FAM149A: variants seen among roughly 807,000 people sequenced by gnomAD.
FAM149A encodes protein FAM149A.
In FAM149A, 71 loss-of-function variants were observed where a neutral mutation model predicts 78.2. The ratio of observed to expected loss-of-function variants is 0.91; its 90% confidence interval spans 0.75 to 1.11. The LOEUF (loss-of-function observed/expected upper bound fraction) is 1.11. Ranked by LOEUF, FAM149A falls within the 50% of genes least tolerant of loss-of-function variation. FAM149A has a pLI of 0.00. For missense variants in FAM149A, 1,036 were observed against 971.0 expected (o/e 1.07, Z -0.89); for synonymous variants, 446 against 410.5 (o/e 1.09, Z -1.04).
intron 8 of FAM149A, among the ~76,000 whole-genome samples, chr4:186,159,691 C>T (rs56126431): frequency 0.013 from 1,958 of 152,050 alleles, 39 homozygotes; most frequent in African/African-American, 0.044. Context: ...ACATACTGAG[C>T]GCGTAATAAA....
chr4:186,165,473 G>C lies in FAM149A; in HGVS notation c.2010+9G>C. 1 of 1,613,884 alleles carries C rather than the reference G, an allele frequency of 6.2e-7. No individual in the cohort carries two copies. Among genetic ancestry groups the C allele is most frequent in the Non-Finnish European group, 8.5e-7 (1 of 1,179,866 alleles). The stretch of plus-strand genomic sequence containing the variant: ...GATGCCGCCTTGTTTCTGTAAGACA[G>C]ATTTCATTCTATTTCAGTGGACCAT... On this transcript the variant is annotated intron_variant, in intron 11 of 13. Coordinates refer to ENST00000389354, the MANE Select transcript of FAM149A (RefSeq NM_001367768.3).
In FAM149A at chr4:186,165,380, T is replaced by G. The variant is rs1261071479; in HGVS notation, c.1926T>G (p.Val642=). Reference sequence around the variant, plus strand: ...TGGACCACATGGCTTCCCCACTGGTTCAAACGTCACGGAGCAGGTTCCCCC... The same window carrying G: ...TGGACCACATGGCTTCCCCACTGGTGCAAACGTCACGGAGCAGGTTCCCCC... Residue 642 remains valine (V), a synonymous_variant, in exon 11 of 14, where the codon GTT becomes GTG. Transcript: ENST00000389354. 6.2e-7 allele frequency: 1 copy of G among 1,614,204 alleles called. No individual in the cohort carries two copies.
chr4:186,124,287 A>G (rs1295442487), intron 1 of FAM149A: 1 of 922,908 alleles, frequency 1.1e-6, no homozygotes, highest in Non-Finnish European at 1.3e-6. Flanking sequence ...TTATACTTTA[A>G]GTTTTAGGGT....
At chr4:186,147,257 C>A (rs7668029) in intron 1 of FAM149A, among the ~76,000 whole-genome samples, 118,022 of 152,044 alleles carry the variant, frequency 0.78, 46,390 homozygotes, top group Middle Eastern at 0.87. Context: ...GTGGTAGACA[C>A]CTGTAGTCCC....
intron 1 of FAM149A, among the ~76,000 whole-genome samples, chr4:186,128,994 C>T (rs1021367296): frequency 3.3e-5 from 5 of 149,942 alleles, no homozygotes; most frequent in South Asian, 2.2e-4. Flanking sequence ...TGTGTGTCCA[C>T]GTATGAGCCT....
At chr4:186,157,492 CAA>C in intron 7 of FAM149A, 71 bp from the exon 8 acceptor site, 1 of 1,477,108 alleles carries the variant, frequency 6.8e-7, no homozygotes, top group Non-Finnish European at 9.4e-7. Flanking sequence ...TATTCTCTTT[CAA>C]GAGTGAATTT....
chr4:186,143,330 C>T (rs1214352503), intron 1 of FAM149A, among the ~76,000 whole-genome samples: 1 of 151,316 alleles, frequency 6.6e-6, no homozygotes. Flanking sequence ...TCCTCCCACC[C>T]CTGGCAATAT....
In FAM149A at chr4:186,164,107, G is replaced by A. The variant is rs916531380; in HGVS notation, c.1889+474G>A. On this transcript the variant is annotated intron_variant, in intron 10 of 13. Coordinates refer to ENST00000389354, the MANE Select transcript of FAM149A (RefSeq NM_001367768.3). This position sits in a 1 kb window ranked among gnomAD's most constrained non-coding sequence, Gnocchi z 4.0. The stretch of plus-strand genomic sequence containing the variant: ...AGGATTCACATCCCGTCATGGCCTC[G>A]TTAGAAAGGTGCCTGTCTCTTGCCC... 3.9e-5 allele frequency among the ~76,000 whole-genome samples: 6 copies of A among 152,172 alleles called. No homozygotes were observed. Among genetic ancestry groups the A allele is most frequent in the Non-Finnish European group, 8.8e-5 (6 of 68,032 alleles).
At chr4:186,136,994 C>CTT (rs1561396514) in intron 1 of FAM149A, among the ~76,000 whole-genome samples, 5 of 136,452 alleles carry the variant, frequency 3.7e-5, no homozygotes, top group Admixed American at 7.5e-5. Context: ...CTCTCTCTCT[C>CTT]TCTCTCTCTC....
In FAM149A at chr4:186,167,057, G is replaced by T. The variant is rs776255943; in HGVS notation, c.2100G>T (p.Leu700=). ...GTCTTCGAGAAAGAACAGCCACCCT[G>T]GAACGGTTGTCAAGGCCCAGCACAA... The change falls in exon 12 of 14, where the codon CTG becomes CTT. Residue 700 remains leucine, a synonymous_variant. Coordinates refer to ENST00000389354, the MANE Select transcript of FAM149A (RefSeq NM_001367768.3). The T allele has an allele frequency of 1.2e-6, 2 of 1,614,162 alleles. No individual in the cohort carries two copies. Among genetic ancestry groups the T allele is most frequent in the Non-Finnish European group, 1.7e-6 (2 of 1,180,026 alleles).
At chr4:186,143,494 A>G (rs1233065310) in intron 1 of FAM149A, among the ~76,000 whole-genome samples, 1 of 152,132 alleles carries the variant, frequency 6.6e-6, no homozygotes, top group African/African-American at 2.4e-5. Context: ...TACCACTTTT[A>G]TAAAAGTGGG....
intron 1 of FAM149A, among the ~76,000 whole-genome samples, chr4:186,128,808 T>TATGG (rs1037410822): frequency 6.6e-6 from 1 of 152,130 alleles, no homozygotes; most frequent in East Asian, 1.9e-4. Context: ...TGTATGTGTG[T>TATGG]ATGGATGGAT....
intron 1 of FAM149A, chr4:186,123,847 T>G (rs1040246613): frequency 7.8e-5 from 77 of 983,668 alleles, no homozygotes; most frequent in Non-Finnish European, 8.9e-5. Flanking sequence ...ATAGAATAGT[T>G]AAGCAGCAAA....
chr4:186,116,470 A>T (rs1296403927), intron 1 of FAM149A: 2 of 984,222 alleles, frequency 2.0e-6, no homozygotes, highest in East Asian at 1.1e-4. Context: ...GTCATTAAAG[A>T]TAATAATGAA....
chr4:186,109,465 G>A (rs2099310317), intron 1 of FAM149A: 1 of 984,920 alleles, frequency 1.0e-6, no homozygotes, highest in Non-Finnish European at 1.2e-6. Context: ...CCTCCAGTGT[G>A]ATGAAGCCTG....
chr4:186,156,155 A>T lies in FAM149A; in HGVS notation c.1385A>T (p.Glu462Val). ...ACAAATATGGTAGAACTTTTGGAAG[A>T]GCTGATTAGAAAACACTGGGAAACT... The change falls in exon 7 of 14, where the codon GAG becomes GTG. Residue 462 changes from glutamate (E) to valine (V), a missense_variant. Physicochemically the swap from Glu to Val is moderately radical, Grantham distance 121. Coordinates refer to ENST00000389354, the MANE Select transcript of FAM149A (RefSeq NM_001367768.3). 2.5e-6 allele frequency: 4 copies of T among 1,613,382 alleles called. No individual in the cohort carries two copies. The South Asian group carries it at 4.4e-5, about 18-fold the overall frequency.
intron 1 of FAM149A, among the ~76,000 whole-genome samples, chr4:186,148,153 C>T (rs1733203663): frequency 6.6e-6 from 1 of 151,896 alleles, no homozygotes; most frequent in Non-Finnish European, 1.5e-5. Context: ...ATGGTGAAAC[C>T]CTGTCTCTAC....
At chr4:186,149,087 G>A in intron 1 of FAM149A, 86 bp from the exon 2 acceptor site, 1 of 1,129,408 alleles carries the variant, frequency 8.9e-7, no homozygotes, top group South Asian at 1.6e-5. Context: ...GAGCAACTTT[G>A]TATAAAAGAG....
chr4:186,138,279 G>T (rs1478492541), intron 1 of FAM149A, among the ~76,000 whole-genome samples: 1 of 152,064 alleles, frequency 6.6e-6, no homozygotes, highest in Admixed American at 6.6e-5. Flanking sequence ...GTGTGAAGAG[G>T]GAGAGAGATT....
Sources: gnomAD v4.1 joint callset for allele counts (sites outside exome capture counted in the v4.1 genomes callset) on GRCh38, gnomAD v4.1.1 for gene constraint, Gnocchi (gnomAD v3.1) non-coding constraint, MANE v1.5 for transcripts, NCBI Gene and HGNC (gene_info 2026-07-23, HGNC 2026-07-21) for gene names.